The following CYRIA variants were observed in gnomAD, a reference collection of about 807,000 sequenced individuals.
The protein encoded by CYRIA is CYFIP related Rac1 interactor A, also known as CYFIP-related Rac1 interactor A.
A neutral mutation model predicts 43.9 loss-of-function variants in CYRIA; 15 were observed. That is an observed-to-expected ratio of 0.34 (90% CI 0.23 to 0.53). The LOEUF is 0.53. Ranked by LOEUF, CYRIA falls within the 20% of genes least tolerant of loss-of-function variation. CYRIA has a pLI of 0.94. For synonymous variants in CYRIA, 117 were observed against 136.0 expected (o/e 0.86, Z 0.97); for missense variants, 236 against 394.2 (o/e 0.60, Z 3.40).
At chr2:16,599,712 G>A (rs1272367397) in intron 2 of CYRIA, among the ~76,000 whole-genome samples, 2 of 151,848 alleles carry the variant, frequency 1.3e-5, no homozygotes, top group African/African-American at 4.8e-5. Context: ...CACGCTGGGA[G>A]CTGTAGACCG....
Position 16,552,946 on chromosome 2 carries a change from A to G in CYRIA, c.962T>C (p.Met321Thr). Reference protein sequence around the residue: ...DESTSKQIRAMLQ With the variant: ...DESTSKQIRATLQ ...TCTTTGAGCAGAGCTCTACTGAAGC[A>G]TTGCTCGAATCTGTTTGGAAGTTGA... The change falls in exon 12 of 12, where the codon ATG becomes ACG. Residue 321 changes from methionine to threonine, a missense_variant. Around this residue, in one of 3 missense-constraint regions of CYRIA, gnomAD observed 40 missense variants for 62.2 expected, o/e 0.64. Transcript: ENST00000381323. The G allele has an allele frequency of 3.1e-6, 5 of 1,604,552 alleles. No homozygotes were observed. The highest frequency in any genetic ancestry group is 4.3e-6 in the Non-Finnish European group (5 of 1,171,446).
chr2:16,647,711 T>C (rs1224457223), intron 1 of CYRIA, among the ~76,000 whole-genome samples: 1 of 152,168 alleles, frequency 6.6e-6, no homozygotes, highest in Non-Finnish European at 1.5e-5. Flanking sequence ...CCCACTTTCT[T>C]TCTCCTCTGC....
intron 3 of CYRIA, among the ~76,000 whole-genome samples, chr2:16,578,780 T>C (rs886850284): frequency 1.3e-5 from 2 of 151,986 alleles, no homozygotes; most frequent in African/African-American, 4.8e-5. Flanking sequence ...TGTGAAGCAA[T>C]GTCAAATCAC....
At chr2:16,563,032 T>C (rs776358385) in intron 5 of CYRIA, among the ~76,000 whole-genome samples, 4 of 152,294 alleles carry the variant, frequency 2.6e-5, no homozygotes, top group Non-Finnish European at 4.4e-5. Context: ...GGGATATCTC[T>C]GGCCTTTTTG....
At chr2:16,554,276 A>C (rs183785861) in intron 11 of CYRIA, among the ~76,000 whole-genome samples, 1 of 152,184 alleles carries the variant, frequency 6.6e-6, no homozygotes, top group Admixed American at 6.5e-5. Flanking sequence ...ATAAGACAAC[A>C]GGGACCATAA....
chr2:16,580,691 G>A (rs2103445466), intron 3 of CYRIA, among the ~76,000 whole-genome samples: 1 of 152,072 alleles, frequency 6.6e-6, no homozygotes, highest in Non-Finnish European at 1.5e-5. Flanking sequence ...AGCCAAAACA[G>A]TCTTCCAAAA....
At chr2:16,633,469 A>T (rs1447890039) in intron 1 of CYRIA, among the ~76,000 whole-genome samples, 1 of 149,610 alleles carries the variant, frequency 6.7e-6, no homozygotes, top group East Asian at 2.0e-4. Context: ...GCTGGAGTTC[A>T]GTGGCGTGAT....
At chr2:16,564,201 G>T in intron 4 of CYRIA, 107 bp from the exon 5 acceptor site, 1 of 804,908 alleles carries the variant, frequency 1.2e-6, no homozygotes, top group Non-Finnish European at 2.0e-6. Context: ...CTTTGCTGAT[G>T]TATACTACTT....
rs1232313509 is a variant in CYRIA, at chr2:16,552,923, T to C, written c.*13A>G. ...TGAGGTCAGCACATAGATCCTCTTC[T>C]TTGAGCAGAGCTCTACTGAAGCATT... On this transcript the variant is annotated 3_prime_UTR_variant, in exon 12 of 12. Transcript: ENST00000381323. 2 of 1,563,676 alleles carry C rather than the reference T, an allele frequency of 1.3e-6. No homozygotes were observed. The highest frequency in any genetic ancestry group is 3.3e-5 in the Admixed American group (2 of 59,856).
intron 10 of CYRIA, among the ~76,000 whole-genome samples, chr2:16,558,708 C>T (rs149575596): frequency 6.6e-6 from 1 of 152,122 alleles, no homozygotes; most frequent in Non-Finnish European, 1.5e-5. Flanking sequence ...TACAGCGTGT[C>T]TGTTGAGTTC....
rs991554282 is a variant in CYRIA, at chr2:16,549,997, T to G, written c.*2939A>C. 3.3e-5 allele frequency: 5 copies of G among 151,730 alleles called. No homozygotes were observed. Among genetic ancestry groups the G allele is most frequent in the Admixed American group, 6.6e-5 (1 of 15,174 alleles). 9.4% of individuals were successfully genotyped at this position (151,730 alleles called of 1,614,324 possible). A position where few individuals can be genotyped will look rare whatever the true frequency, so the allele number is the denominator to read the frequency against. ...CATCCATTTCCAGTTGTTTTTTTTTTTTGTTATTGTTTTTTTTTTTCTACT... is the reference window on the plus strand; with the variant it reads ...CATCCATTTCCAGTTGTTTTTTTTTGTTGTTATTGTTTTTTTTTTTCTACT... On this transcript the variant is annotated 3_prime_UTR_variant, in exon 12 of 12. Coordinates refer to ENST00000381323, the MANE Select transcript of CYRIA (RefSeq NM_030797.4).
intron 2 of CYRIA, among the ~76,000 whole-genome samples, chr2:16,621,613 T>C (rs941637023): frequency 1.3e-5 from 2 of 152,308 alleles, no homozygotes; most frequent in South Asian, 2.1e-4. Context: ...TCTGCTCCAA[T>C]CCTACTGGTC....
chr2:16,566,914 C>T (rs1666953241), intron 3 of CYRIA, among the ~76,000 whole-genome samples: 1 of 152,200 alleles, frequency 6.6e-6, no homozygotes, highest in Non-Finnish European at 1.5e-5. Flanking sequence ...CAGATGTTAT[C>T]TTATCAAACT....
chr2:16,561,424 G>A, intron 7 of CYRIA, 32 bp downstream of exon 7: 1 of 1,594,174 alleles, frequency 6.3e-7, no homozygotes, highest in South Asian at 1.1e-5. Context: ...CATGGAGAAG[G>A]GTGCAAAGGT....
At chr2:16,656,208 C>T (rs546291556) in intron 1 of CYRIA, among the ~76,000 whole-genome samples, 30 of 152,198 alleles carry the variant, frequency 2.0e-4, no homozygotes, top group African/African-American at 6.7e-4. Context: ...CCCACACACC[C>T]ACTCACAAAC....
rs539892237 is a variant in CYRIA, at chr2:16,583,402, T to A, written c.70+4648A>T. 2.0e-5 allele frequency among the ~76,000 whole-genome samples: 3 copies of A among 152,272 alleles called. No individual in the cohort carries two copies. The South Asian group carries it at 6.2e-4, about 32-fold the overall frequency. On this transcript the variant is annotated intron_variant, in intron 3 of 11. Transcript: ENST00000381323. ...CCTGGATGCATGAATTAAAGGTGGTTCACAAAGCAGCTTATCATCAGAAGC... is the reference window on the plus strand; with the variant it reads ...CCTGGATGCATGAATTAAAGGTGGTACACAAAGCAGCTTATCATCAGAAGC...
chr2:16,604,889 G>T (rs1408085678), intron 2 of CYRIA, among the ~76,000 whole-genome samples: 2 of 152,202 alleles, frequency 1.3e-5, no homozygotes, highest in African/African-American at 4.8e-5. Context: ...CGAGATGAAG[G>T]AAGAAAACTG....
chr2:16,625,507 G>C (rs16982601), intron 1 of CYRIA, among the ~76,000 whole-genome samples: 22,689 of 152,158 alleles, frequency 0.15, 1,926 homozygotes, highest in African/African-American at 0.22. Flanking sequence ...CTGAGTGGAC[G>C]TTAGTGGAGC....
intron 3 of CYRIA, among the ~76,000 whole-genome samples, chr2:16,578,254 G>A (rs1254629343): frequency 6.6e-6 from 1 of 152,118 alleles, no homozygotes; most frequent in Non-Finnish European, 1.5e-5. Flanking sequence ...CCCACTAGTG[G>A]ACTGACAGAA....
Sources: allele counts gnomAD v4.1 joint callset (sites outside exome capture counted in the v4.1 genomes callset), GRCh38; gene constraint gnomAD v4.1.1; regional missense constraint gnomAD v4.1.1; transcripts MANE v1.5; gene names NCBI Gene and HGNC (gene_info 2026-07-23, HGNC 2026-07-21).